The following PCDHGB1 variants were observed in gnomAD, a reference collection of about 807,000 sequenced individuals.
PCDHGB1 encodes the protein protocadherin gamma-B1.
Under a neutral mutation model 56.6 loss-of-function variants are expected in PCDHGB1, and 34 were observed. The observed-to-expected ratio is 0.60, with a 90% CI of 0.46 to 0.80. The LOEUF (loss-of-function observed/expected upper bound fraction) is 0.80. Among genes scored for constraint, PCDHGB1 ranks in the 30% least tolerant of loss-of-function variants. PCDHGB1 has a pLI of 0.00. For missense variants in PCDHGB1, 1,278 were observed against 1,204.6 expected (o/e 1.06, Z -0.90); for synonymous variants, 561 against 505.9 (o/e 1.11, Z -1.46).
rs1288071067 is a variant in PCDHGB1 at position 141,404,171 on chromosome 5, GC to G, written c.2409+51505del. ...AGAAGATTATTACAGATTGTTGACG[GC>G]CCAAATTCTTGACCGAGAAAAAGCC... On this transcript the variant is annotated intron_variant, in intron 1 of 3. Coordinates refer to ENST00000523390, the MANE Select transcript of PCDHGB1 (RefSeq NM_018922.3). 5.6e-6 allele frequency: 9 copies of G among 1,612,616 alleles called. No homozygotes were observed. The African/African-American group carries it at 9.4e-5, about 17-fold the overall frequency.
At chr5:141,420,403 G>T in intron 1 of PCDHGB1, 3 of 1,246,014 alleles carry the variant, frequency 2.4e-6, no homozygotes, top group East Asian at 2.8e-5. Context: ...TCAAATTTAT[G>T]GTTATCATTA....
intron 1 of PCDHGB1, chr5:141,376,132 A>T: frequency 6.2e-7 from 1 of 1,613,498 alleles, no homozygotes; most frequent in Non-Finnish European, 8.5e-7. Context: ...CCTCCGCCAA[A>T]CCCAACGATT....
Position 141,486,657 on chromosome 5 carries a change from T to C in PCDHGB1, c.2410-8150T>C. Reference sequence around the variant, plus strand: ...AATGCGCTTATCTCCTACTCACTCCTGGAGCCCAGGAATCGAGATGTATCA... The same window carrying C: ...AATGCGCTTATCTCCTACTCACTCCCGGAGCCCAGGAATCGAGATGTATCA... On this transcript the variant is annotated intron_variant, in intron 1 of 3. Transcript: ENST00000523390. The surrounding 1 kb of genome is among the most constrained non-coding windows in gnomAD (Gnocchi z 5.0). The C allele has an allele frequency of 6.2e-7, 1 of 1,614,010 alleles. No individual in the cohort carries two copies. Among genetic ancestry groups the C allele is most frequent in the Non-Finnish European group, 8.5e-7 (1 of 1,180,030 alleles).
In PCDHGB1 at chr5:141,351,750, T is replaced by G. The variant is rs896637851; in HGVS notation, c.1490T>G (p.Leu497Arg). ...ILASDLEPRE[L>R]LSYVSVSPQS... ...GCCAGTGACCTGGAGCCGCGGGAGC[T>G]GTTGTCCTACGTGTCCGTGAGCCCG... The change falls in exon 1 of 4, where the codon CTG becomes CGG. Residue 497 changes from leucine to arginine, a missense_variant. Physicochemically the swap from Leu to Arg is moderately radical, Grantham distance 102 (BLOSUM62 -2). Coordinates refer to ENST00000523390, the MANE Select transcript of PCDHGB1 (RefSeq NM_018922.3). 6.2e-7 allele frequency: 1 copy of G among 1,613,678 alleles called. No individual in the cohort carries two copies. The highest frequency in any genetic ancestry group is 1.3e-5 in the African/African-American group (1 of 75,080).
At chr5:141,498,954 A>G (rs1180380627) in intron 2 of PCDHGB1, among the ~76,000 whole-genome samples, 2 of 134,538 alleles carry the variant, frequency 1.5e-5, no homozygotes, top group Non-Finnish European at 3.2e-5. Context: ...AGAAAAAGAG[A>G]GAGAGGGAGG....
At position 141,432,307 on chromosome 5, in the gene PCDHGB1, G is replaced by A. The variant is rs2097484688; in HGVS notation, c.2410-62500G>A. On this transcript the variant is annotated intron_variant, in intron 1 of 3. Transcript: ENST00000523390. The surrounding 1 kb of genome is among the most constrained non-coding windows in gnomAD (Gnocchi z 6.0). ...ACTCCGACACTGGGGTACTGTATGC[G>A]CTGAGCTCCTTCGACTACGAGCAGT... The A allele has an allele frequency of 5.0e-6, 8 of 1,614,240 alleles. No individual in the cohort carries two copies. Among genetic ancestry groups the A allele is most frequent in the South Asian group, 1.1e-5 (1 of 91,086 alleles).
At chr5:141,357,102 CAG>C (rs1760470254) in intron 1 of PCDHGB1, 1 of 1,613,746 alleles carries the variant, frequency 6.2e-7, no homozygotes, top group Admixed American at 1.7e-5. Context: ...CCCTGCTGGA[CAG>C]AGACGCGCTC....
intron 1 of PCDHGB1, chr5:141,478,781 A>G: frequency 6.7e-7 from 1 of 1,485,388 alleles, no homozygotes; most frequent in Non-Finnish European, 9.0e-7. Flanking sequence ...TGTGGACCTA[A>G]TTCACATCCT....
rs1248104988 is a variant in PCDHGB1, at chr5:141,409,585, G to A, written c.2409+56916G>A. 3.1e-6 allele frequency: 5 copies of A among 1,613,912 alleles called. No individual in the cohort carries two copies. The Admixed American group carries it at 5.0e-5, about 16-fold the overall frequency. ...ACCAGACGTCCTACGTGGTCCACGT[G>A]GCCGAGAACAACCCGCCAGGAGCCT... On this transcript the variant is annotated intron_variant, in intron 1 of 3. Coordinates refer to ENST00000523390, the MANE Select transcript of PCDHGB1 (RefSeq NM_018922.3).
chr5:141,475,384 A>T (rs2099362853), intron 1 of PCDHGB1, among the ~76,000 whole-genome samples: 1 of 152,370 alleles, frequency 6.6e-6, no homozygotes, highest in East Asian at 1.9e-4. Flanking sequence ...TTTAAATTTT[A>T]TAAGCCAGAG....
intron 1 of PCDHGB1, chr5:141,395,894 C>G (rs768471284): frequency 1.3e-5 from 2 of 152,020 alleles, no homozygotes; most frequent in Non-Finnish European, 2.9e-5. Flanking sequence ...CACCTGGGCT[C>G]CATGCCCATG....
At chr5:141,372,656 G>A in intron 1 of PCDHGB1, 1 of 1,613,956 alleles carries the variant, frequency 6.2e-7, no homozygotes, top group Non-Finnish European at 8.5e-7. Flanking sequence ...CCTACAATCC[G>A]TGTGCTGCCT....
Position 141,485,164 on chromosome 5 carries a change from G to A in PCDHGB1, c.2410-9643G>A, listed in dbSNP as rs2099608516. 2 of 1,605,832 alleles carry A rather than the reference G, an allele frequency of 1.2e-6. No homozygotes were observed. Among genetic ancestry groups the A allele is most frequent in the Admixed American group, 1.7e-5 (1 of 59,836 alleles). On this transcript the variant is annotated intron_variant, in intron 1 of 3. Coordinates refer to ENST00000523390, the MANE Select transcript of PCDHGB1 (RefSeq NM_018922.3). This position sits in a 1 kb window ranked among gnomAD's most constrained non-coding sequence, Gnocchi z 5.7. ...CTCAGGAGCAAGTAGAGAATTAGCG[G>A]GCGGCAGCAATGCTCCGCAAGGTGA...
rs776632782 is a variant in PCDHGB1, at chr5:141,415,681, A to G, written c.2409+63012A>G. 6.3e-5 allele frequency: 95 copies of G among 1,518,728 alleles called. 2 individuals are homozygous for G. In the Middle Eastern group the frequency reaches 2.1e-3, roughly 34 times the overall value. 94.1% of individuals were successfully genotyped at this position (1,518,728 alleles called of 1,614,324 possible). A position where few individuals can be genotyped will look rare whatever the true frequency, so the allele number is the denominator to read the frequency against. Reference sequence around the variant, plus strand: ...TGGTTTTTACTTTGAAGTTTGCGGCATGATGGTGGAAAGTGTAAATGCTAA... The same window carrying G: ...TGGTTTTTACTTTGAAGTTTGCGGCGTGATGGTGGAAAGTGTAAATGCTAA... On this transcript the variant is annotated intron_variant, in intron 1 of 3. Transcript: ENST00000523390.
intron 1 of PCDHGB1, among the ~76,000 whole-genome samples, chr5:141,368,655 A>G (rs761837441): frequency 1.3e-5 from 2 of 152,170 alleles, no homozygotes; most frequent in Non-Finnish European, 2.9e-5. Flanking sequence ...CAATGGAAAA[A>G]TATCTTTAAA....
intron 1 of PCDHGB1, chr5:141,404,457 C>A: frequency 1.2e-6 from 2 of 1,612,824 alleles, no homozygotes; most frequent in Non-Finnish European, 1.7e-6. Flanking sequence ...TCTCCTCTCT[C>A]CACCTATGTC....
At chr5:141,419,449 C>T (rs780917543) in intron 1 of PCDHGB1, 5 of 1,612,958 alleles carry the variant, frequency 3.1e-6, no homozygotes, top group Non-Finnish European at 4.2e-6. Context: ...CCTTCGAGCT[C>T]ACGCTGCAGG....
intron 1 of PCDHGB1, chr5:141,392,984 G>A: frequency 1.2e-6 from 2 of 1,613,914 alleles, no homozygotes; most frequent in Non-Finnish European, 1.7e-6. Context: ...TGGACCCCCG[G>A]AAGCTGGCGA....
chr5:141,362,138 T>A, intron 1 of PCDHGB1: 2 of 1,614,032 alleles, frequency 1.2e-6, no homozygotes, highest in Non-Finnish European at 1.7e-6. Flanking sequence ...GCGGATAGCC[T>A]GCAAGAGGTA....
Sources: gnomAD v4.1 joint callset for allele counts (sites outside exome capture counted in the v4.1 genomes callset) on GRCh38, gnomAD v4.1.1 for gene constraint, Gnocchi (gnomAD v3.1) non-coding constraint, MANE v1.5 for transcripts, NCBI Gene and HGNC (gene_info 2026-07-23, HGNC 2026-07-21) for gene names.